Variants in TAB2 observed in about 807,000 individuals in gnomAD.
The protein encoded by TAB2 is TGF-beta activated kinase 1 (MAP3K7) binding protein 2, also known as TGF-beta-activated kinase 1 and MAP3K7-binding protein 2.
A neutral mutation model predicts 65.0 loss-of-function variants in TAB2; 3 were observed. The ratio of observed to expected loss-of-function variants is 0.05; its 90% CI spans 0.02 to 0.12. The LOEUF (loss-of-function observed/expected upper bound fraction) is 0.12, where lower values mean the gene tolerates loss of function less well. Ranked by LOEUF, TAB2 falls within the 10% of genes least tolerant of loss-of-function variation. The probability of loss-of-function intolerance (pLI) is 1.00; values close to 1 mark genes in which losing one functional copy is unlikely to be tolerated. For synonymous variants in TAB2, 298 were observed against 285.1 expected (o/e 1.05, Z -0.46); for missense variants, 623 against 840.3 (o/e 0.74, Z 3.20).
chr6:149,385,206 T>TA (rs1193592407), intron 3 of TAB2, among the ~76,000 whole-genome samples: 2 of 152,246 alleles, frequency 1.3e-5, no homozygotes, highest in African/African-American at 2.4e-5. Context: ...TGAGATTTAA[T>TA]AAAAAATGTT....
intron 1 of TAB2, among the ~76,000 whole-genome samples, chr6:149,352,010 G>C (rs1000056179): frequency 9.2e-5 from 14 of 152,110 alleles, no homozygotes; most frequent in African/African-American, 2.9e-4. Context: ...GCCTGTCTCA[G>C]AGTAACATTT....
At chr6:149,268,867 T>C (rs564283512) in intron 1 of TAB2, among the ~76,000 whole-genome samples, 2 of 152,346 alleles carry the variant, frequency 1.3e-5, no homozygotes, top group East Asian at 3.9e-4. Flanking sequence ...AGTAGTTGTT[T>C]CCAATTCTCT....
In TAB2 at chr6:149,357,464, C is replaced by CACACACAT. The variant is rs1562432050; in HGVS notation, c.-89-12442_-89-12441insCACATACA. On this transcript the variant is annotated intron_variant, in intron 1 of 6. Coordinates refer to ENST00000637181, the MANE Select transcript of TAB2 (RefSeq NM_001292034.3). ...ACACACACACACACACACACACACA[C>CACACACAT]ACATTTTAGCCTTGATGGATATAAA... Among the ~76,000 whole-genome samples, 1,175 of 147,720 alleles carry CACACACAT rather than the reference C, an allele frequency of 8.0e-3. 18 individuals are homozygous for CACACACAT. The highest frequency in any genetic ancestry group is 0.028 in the African/African-American group (1,124 of 39,564).
At chr6:149,391,523 G>A (rs570692524) in intron 3 of TAB2, among the ~76,000 whole-genome samples, 1 of 151,612 alleles carries the variant, frequency 6.6e-6, no homozygotes, top group South Asian at 2.1e-4. Context: ...TATATTTCAC[G>A]TCTTTGTCTT....
intron 3 of TAB2, among the ~76,000 whole-genome samples, chr6:149,383,782 C>T (rs2114904160): frequency 6.6e-6 from 1 of 152,248 alleles, no homozygotes; most frequent in South Asian, 2.1e-4. Context: ...GTGGTTTCAC[C>T]TTGTTGGCCA....
At chr6:149,380,141 G>T in intron 3 of TAB2, 1 of 259,532 alleles carries the variant, frequency 3.9e-6, no homozygotes, top group South Asian at 3.6e-5. Context: ...TCAGTAGACT[G>T]AGGTAGGAGG....
chr6:149,252,874 C>T (rs1045640677), intron 1 of TAB2, among the ~76,000 whole-genome samples: 7 of 152,192 alleles, frequency 4.6e-5, no homozygotes, highest in Non-Finnish European at 7.3e-5. Flanking sequence ...CTCTTCCACT[C>T]TTACCATGAG....
intron 1 of TAB2, chr6:149,342,616 A>T (rs1169219522): frequency 1.3e-5 from 2 of 152,122 alleles, no homozygotes; most frequent in African/African-American, 4.8e-5. Context: ...TACATCTCAT[A>T]ATGTTATCTG....
At chr6:149,298,749 G>A (rs796977332) in intron 1 of TAB2, among the ~76,000 whole-genome samples, 24 of 152,236 alleles carry the variant, frequency 1.6e-4, no homozygotes, top group African/African-American at 5.5e-4. Context: ...TTAGAATGTG[G>A]AAGATATTTT....
At position 149,403,329 on chromosome 6, in the gene TAB2, T is replaced by TACACACAC. The variant is rs1390802967; in HGVS notation, c.1939+4148_1939+4149insCACACACA. On this transcript the variant is annotated intron_variant, in intron 6 of 6. Transcript: ENST00000637181. ...ATATATATATACACACACATATATA[T>TACACACAC]ACATATATATACACACACACACACA... Among the ~76,000 whole-genome samples the TACACACAC allele has an allele frequency of 4.3e-3, 239 of 55,770 alleles. 8 individuals are homozygous for TACACACAC. The highest frequency in any genetic ancestry group is 0.015 in the African/African-American group (228 of 15,644). 36.6% of individuals were successfully genotyped at this position (55,770 alleles called of 152,430 possible).
intron 1 of TAB2, among the ~76,000 whole-genome samples, chr6:149,325,978 A>G (rs1218350304): frequency 6.6e-6 from 1 of 152,168 alleles, no homozygotes; most frequent in African/African-American, 2.4e-5. Flanking sequence ...GGTTCAAGGA[A>G]TCATCTTGCC....
At chr6:149,236,652 CA>C (rs1385679996) in intron 1 of TAB2, among the ~76,000 whole-genome samples, 4 of 152,116 alleles carry the variant, frequency 2.6e-5, no homozygotes, top group Admixed American at 2.0e-4. Flanking sequence ...TAGAGTTAGG[CA>C]GCATAAGACA....
chr6:149,394,155 G>A (rs1276929743), intron 3 of TAB2, among the ~76,000 whole-genome samples: 1 of 151,720 alleles, frequency 6.6e-6, no homozygotes, highest in Non-Finnish European at 1.5e-5. Flanking sequence ...TTCAGTTTGG[G>A]TAATTTCTGT....
At chr6:149,316,468 T>C (rs1779254388), upstream of TAB2, among the ~76,000 whole-genome samples, 1 of 152,220 alleles carries the variant, frequency 6.6e-6, no homozygotes, top group South Asian at 2.1e-4. Context: ...CCTTTAGGAT[T>C]TTTCTCTGGA....
chr6:149,392,988 G>T (rs1438039167), intron 3 of TAB2, among the ~76,000 whole-genome samples: 1 of 152,082 alleles, frequency 6.6e-6, no homozygotes, highest in African/African-American at 2.4e-5. Flanking sequence ...TTTTTACAGC[G>T]ATTTTTAGAA....
At chr6:149,280,142 T>G (rs1258627194) in intron 1 of TAB2, among the ~76,000 whole-genome samples, 16 of 152,242 alleles carry the variant, frequency 1.1e-4, no homozygotes, top group Admixed American at 1.0e-3. Flanking sequence ...CAATCTGAGT[T>G]GGAATTCCCA....
At chr6:149,224,700 A>G (rs1777230250) in intron 1 of TAB2, among the ~76,000 whole-genome samples, 1 of 152,236 alleles carries the variant, frequency 6.6e-6, no homozygotes, top group South Asian at 2.1e-4. Flanking sequence ...CAAAAGAGCA[A>G]CAGGAAGAAA....
chr6:149,237,764 G>A (rs1480977490), intron 1 of TAB2, among the ~76,000 whole-genome samples: 1 of 152,124 alleles, frequency 6.6e-6, no homozygotes, highest in Non-Finnish European at 1.5e-5. Context: ...GTGGGTGCTG[G>A]CCATCTGCCG....
intron 1 of TAB2, among the ~76,000 whole-genome samples, chr6:149,325,427 G>A (rs1000238770): frequency 5.3e-5 from 8 of 152,108 alleles, no homozygotes; most frequent in Non-Finnish European, 1.0e-4. Context: ...AATGAAAAAA[G>A]AATTTCTGTA....
Sources: allele counts gnomAD v4.1 joint callset (sites outside exome capture counted in the v4.1 genomes callset), GRCh38; gene constraint gnomAD v4.1.1; transcripts MANE v1.5; gene names NCBI Gene and HGNC (gene_info 2026-07-23, HGNC 2026-07-21).